The following NALF1 variants were observed in gnomAD, a reference collection of about 807,000 sequenced individuals.
NALF1 encodes NALCN channel auxiliary factor 1.
In NALF1, 3 loss-of-function variants were observed where a neutral mutation model predicts 48.4. The ratio of observed to expected loss-of-function variants is 0.06; its 90% CI spans 0.03 to 0.16. The LOEUF (loss-of-function observed/expected upper bound fraction) is 0.16, where lower values mean the gene tolerates loss of function less well. Among genes scored for constraint, NALF1 ranks in the 10% least tolerant of loss-of-function variants. The pLI is 1.00. For synonymous variants in NALF1, 262 were observed against 245.7 expected (o/e 1.07, Z -0.62); for missense variants, 526 against 571.5 (o/e 0.92, Z 0.81).
intron 1 of NALF1, among the ~76,000 whole-genome samples, chr13:107,621,812 G>A (rs958004113): frequency 6.6e-6 from 1 of 152,120 alleles, no homozygotes; most frequent in Admixed American, 6.5e-5. Flanking sequence ...CACAGCTGAG[G>A]CCGGAATTCA....
chr13:107,358,266 C>A (rs1882999048), intron 1 of NALF1, among the ~76,000 whole-genome samples: 1 of 152,096 alleles, frequency 6.6e-6, no homozygotes, highest in African/African-American at 2.4e-5. Flanking sequence ...TTGGTTTTAT[C>A]ACTTGCCTGC....
At chr13:107,773,671 T>C (rs912763057) in intron 1 of NALF1, among the ~76,000 whole-genome samples, 12 of 135,056 alleles carry the variant, frequency 8.9e-5, no homozygotes, top group African/African-American at 1.4e-4. Flanking sequence ...TAGGTGGGAA[T>C]TGAACAATGA....
intron 1 of NALF1, among the ~76,000 whole-genome samples, chr13:107,576,660 G>C (rs1222429615): frequency 6.6e-6 from 1 of 152,198 alleles, no homozygotes; most frequent in East Asian, 1.9e-4. Flanking sequence ...AAGGCTTCAT[G>C]ATCTGGACTC....
At chr13:107,710,348 CCAT>C (rs1875530167) in intron 1 of NALF1, among the ~76,000 whole-genome samples, 1 of 151,968 alleles carries the variant, frequency 6.6e-6, no homozygotes, top group African/African-American at 2.4e-5. Context: ...AATTCATATA[CCAT>C]CATCATCACC....
intron 1 of NALF1, among the ~76,000 whole-genome samples, chr13:107,351,296 G>C (rs552435852): frequency 6.6e-6 from 1 of 152,114 alleles, no homozygotes; most frequent in African/African-American, 2.4e-5. Flanking sequence ...GTGATGGTGT[G>C]AGAGTTGCAG....
intron 1 of NALF1, among the ~76,000 whole-genome samples, chr13:107,637,706 A>G (rs563670332): frequency 6.6e-6 from 1 of 152,260 alleles, no homozygotes; most frequent in South Asian, 2.1e-4. Context: ...TGGAACCAAA[A>G]GTATGCAAAT....
chr13:107,461,926 T>C (rs1884924728), intron 1 of NALF1, among the ~76,000 whole-genome samples: 1 of 152,130 alleles, frequency 6.6e-6, no homozygotes, highest in African/African-American at 2.4e-5. Flanking sequence ...TGGTCTCAGC[T>C]CCCAGCCCTT....
Position 107,370,209 on chromosome 13 carries a change from A to T in NALF1, c.916-159454T>A, listed in dbSNP as rs149690946. ...GGGGGACGTTAGCTTTCCTGCAAACACTTGTCTGGAAGGAATCAGAGGGCT... is the reference window on the plus strand; with the variant it reads ...GGGGGACGTTAGCTTTCCTGCAAACTCTTGTCTGGAAGGAATCAGAGGGCT... On this transcript the variant is annotated intron_variant, in intron 1 of 2. Transcript: ENST00000375915. Among the ~76,000 whole-genome samples the T allele has an allele frequency of 4.5e-4, 68 of 152,314 alleles. 1 individual carries two copies. Among genetic ancestry groups the T allele is most frequent in the African/African-American group, 1.4e-3 (58 of 41,568 alleles).
chr13:107,593,815 C>T (rs1264132506), intron 1 of NALF1, among the ~76,000 whole-genome samples: 1 of 55,534 alleles, frequency 1.8e-5, no homozygotes, highest in Non-Finnish European at 4.3e-5. Context: ...ATGTTTTCAA[C>T]AGGAAAAAAA....
chr13:107,618,895 C>A (rs1365213941), intron 1 of NALF1, among the ~76,000 whole-genome samples: 4 of 152,160 alleles, frequency 2.6e-5, no homozygotes, highest in Admixed American at 2.6e-4. Flanking sequence ...AAAAGCTAAA[C>A]AACATATTGC....
intron 1 of NALF1, among the ~76,000 whole-genome samples, chr13:107,585,262 T>A (rs1878422080): frequency 6.6e-6 from 1 of 151,970 alleles, no homozygotes; most frequent in Non-Finnish European, 1.5e-5. Flanking sequence ...GAGAAATTAC[T>A]AGATCACACT....
At chr13:107,393,986 G>T (rs1883669347) in intron 1 of NALF1, among the ~76,000 whole-genome samples, 1 of 152,180 alleles carries the variant, frequency 6.6e-6, no homozygotes, top group Non-Finnish European at 1.5e-5. Context: ...TACCTGTAGA[G>T]ATTGGTAGCT....
intron 1 of NALF1, among the ~76,000 whole-genome samples, chr13:107,369,019 C>A (rs576343949): frequency 6.6e-6 from 1 of 152,344 alleles, no homozygotes; most frequent in South Asian, 2.1e-4. Flanking sequence ...CAGTTCCCTG[C>A]CTGCCTAACT....
intron 2 of NALF1, among the ~76,000 whole-genome samples, chr13:107,204,329 C>T (rs570853111): frequency 6.6e-6 from 1 of 152,334 alleles, no homozygotes; most frequent in South Asian, 2.1e-4. Flanking sequence ...ACATGGGGTC[C>T]CATCTAGCTC....
chr13:107,431,844 G>C (rs1884387138), intron 1 of NALF1, among the ~76,000 whole-genome samples: 1 of 152,122 alleles, frequency 6.6e-6, no homozygotes, highest in Non-Finnish European at 1.5e-5. Flanking sequence ...TCTCTAAAGT[G>C]CATCTAGAAT....
intron 1 of NALF1, among the ~76,000 whole-genome samples, chr13:107,825,893 G>C (rs888621909): frequency 5.9e-5 from 9 of 152,158 alleles, no homozygotes; most frequent in Non-Finnish European, 1.3e-4. Flanking sequence ...TGATTCTCCT[G>C]CCTCAGCCTC....
chr13:107,719,358 A>G (rs1875917762), intron 1 of NALF1, among the ~76,000 whole-genome samples: 1 of 151,980 alleles, frequency 6.6e-6, no homozygotes. Flanking sequence ...TGCTTCCATC[A>G]TTGCCCCCAT....
chr13:107,597,469 A>G (rs1391677653), intron 1 of NALF1, among the ~76,000 whole-genome samples: 1 of 152,178 alleles, frequency 6.6e-6, no homozygotes, highest in Non-Finnish European at 1.5e-5. Flanking sequence ...AATGACAGTG[A>G]CAATGCATGA....
At chr13:107,387,004 C>T (rs1883542435) in intron 1 of NALF1, among the ~76,000 whole-genome samples, 1 of 151,978 alleles carries the variant, frequency 6.6e-6, no homozygotes, top group African/African-American at 2.4e-5. Flanking sequence ...ATTAGCTATG[C>T]ACAAAAAAAT....
Sources: gnomAD v4.1 joint callset for allele counts (sites outside exome capture counted in the v4.1 genomes callset) on GRCh38, gnomAD v4.1.1 for gene constraint, MANE v1.5 for transcripts, NCBI Gene and HGNC (gene_info 2026-07-23, HGNC 2026-07-21) for gene names.